Variants in CRB2 observed in about 807,000 individuals in gnomAD.
CRB2 encodes protein crumbs homolog 2.
In CRB2, 85 loss-of-function variants were observed where a neutral mutation model predicts 110.9. The ratio of observed to expected loss-of-function variants is 0.77; its 90% CI spans 0.64 to 0.92. CRB2 has a LOEUF of 0.92. CRB2 is among the 40% of genes least tolerant of loss of function. The pLI, the probability that CRB2 is intolerant of heterozygous loss-of-function variation, is 0.00. For synonymous variants in CRB2, 907 were observed against 831.0 expected, an observed-to-expected ratio of 1.09 and a Z score of -1.57; for missense variants, 1,843 against 1,851.3, an observed-to-expected ratio of 1.00 and a Z score of 0.08.
Position 123,370,778 on chromosome 9 carries a change from C to G in CRB2, c.1725C>G (p.Thr575=), listed in dbSNP as rs1260908406. The part of the protein sequence containing the change: ...GISSAQLGDA[T]FAGCLQDVRV... ...CCTCTGCCCAGCTGGGGGACGCGAC[C>G]TTTGCAGGCTGCCTCCAGGACGTGC... Residue 575 remains threonine (T), a synonymous_variant, in exon 7 of 13, where the codon ACC becomes ACG. Coordinates refer to ENST00000373631, the MANE Select transcript of CRB2 (RefSeq NM_173689.7). 1 of 1,602,736 alleles carries G rather than the reference C, an allele frequency of 6.2e-7. No homozygotes were observed. Among genetic ancestry groups the G allele is most frequent in the Non-Finnish European group, 8.5e-7 (1 of 1,179,950 alleles).
At chr9:123,362,586 G>A (rs1169994028) in intron 1 of CRB2, among the ~76,000 whole-genome samples, 1 of 152,228 alleles carries the variant, frequency 6.6e-6, no homozygotes, top group Admixed American at 6.5e-5. Context: ...GGAAGCTCAC[G>A]GGGCTCAGGG....
chr9:123,373,194 C>T lies in CRB2; in HGVS notation c.2663C>T (p.Ser888Leu), dbSNP rs892905885. The change falls in exon 10 of 13, where the codon TCG becomes TTG. Residue 888 changes from serine to leucine, a missense_variant. Physicochemically the swap from Ser to Leu is moderately radical, Grantham distance 145. Coordinates refer to ENST00000373631, the MANE Select transcript of CRB2 (RefSeq NM_173689.7). Reference protein sequence around the residue: ...PPAAFSGHNASSGRLLGGLSL... With the variant: ...PPAAFSGHNALSGRLLGGLSL... Reference sequence around the variant, plus strand: ...GCCGCGTTCAGCGGGCACAACGCGTCGTCAGGGCGCTTGCTCGGCGGCCTG... The same window carrying T: ...GCCGCGTTCAGCGGGCACAACGCGTTGTCAGGGCGCTTGCTCGGCGGCCTG... 1.3e-6 allele frequency: 2 copies of T among 1,513,344 alleles called. No individual in the cohort carries two copies. Among genetic ancestry groups the T allele is most frequent in the Non-Finnish European group, 8.8e-7 (1 of 1,137,216 alleles). 93.7% of individuals were successfully genotyped at this position (1,513,344 alleles called of 1,614,324 possible).
In CRB2 at chr9:123,373,905, G is replaced by T; in HGVS notation, c.3374G>T (p.Gly1125Val). The T allele has an allele frequency of 6.5e-7, 1 of 1,549,052 alleles. No homozygotes were observed. Among genetic ancestry groups the T allele is most frequent in the East Asian group, 2.4e-5 (1 of 41,014 alleles). Reference protein sequence around the residue: ...RFECRCPPGFGGPRCRLPVPS... With the variant: ...RFECRCPPGFVGPRCRLPVPS... Reference sequence around the variant, plus strand: ...GAGTGCCGCTGCCCGCCTGGCTTCGGGGGCCCGCGCTGCAGGTGGGATGGC... The same window carrying T: ...GAGTGCCGCTGCCCGCCTGGCTTCGTGGGCCCGCGCTGCAGGTGGGATGGC... Residue 1125 changes from glycine (G) to valine (V), a missense_variant, in exon 10 of 13, where the codon GGG becomes GTG. Coordinates refer to ENST00000373631, the MANE Select transcript of CRB2 (RefSeq NM_173689.7).
rs557510132 is a variant in CRB2 at position 123,366,314 on chromosome 9, C to T, written c.702C>T (p.His234=). The T allele has an allele frequency of 2.6e-6, 4 of 1,537,712 alleles. No homozygotes were observed. The highest frequency in any genetic ancestry group is 1.4e-5 in the African/African-American group (1 of 70,178). ...AGTGCGCATCGGCGCCCTGCGAGCA[C>T]AACGCGTCCTGCCTCGAGGGCCTCG... ...VLECASAPCE[H]NASCLEGLGS... The change falls in exon 4 of 13, where the codon CAC becomes CAT. Residue 234 remains histidine, a synonymous_variant. Transcript: ENST00000373631.
chr9:123,371,563 C>A lies in CRB2; in HGVS notation c.2421C>A (p.Ser807=). Residue 807 remains serine, a synonymous_variant, in exon 8 of 13, where the codon TCC becomes TCA. Transcript: ENST00000373631. ...QSWNLTAGCV[S]EDMCSPDPCF... is the part of the protein sequence containing the mutation. ...GGAACCTCACTGCGGGCTGCGTCTC[C>A]GAGGACATGTGCAGTGTAAGTGTCT... 1 of 1,612,904 alleles carries A rather than the reference C, an allele frequency of 6.2e-7. No individual in the cohort carries two copies. Among genetic ancestry groups the A allele is most frequent in the South Asian group, 1.1e-5 (1 of 91,076 alleles).
Position 123,362,966 on chromosome 9 carries a change from A to G in CRB2, c.196A>G (p.Met66Val). Reference protein sequence around the residue: ...TESGGYTCGPMEPRGCATQPC... With the variant: ...TESGGYTCGPVEPRGCATQPC... The stretch of plus-strand genomic sequence containing the variant: ...GAGTGGTGGCTATACCTGTGGGCCC[A>G]TGGAGCCCCGGGGCTGTGCCACCCA... Residue 66 changes from methionine (M) to valine (V), a missense_variant, in exon 2 of 13, where the codon ATG becomes GTG. Met to Val is a conservative substitution (Grantham distance 21). Coordinates refer to ENST00000373631, the MANE Select transcript of CRB2 (RefSeq NM_173689.7). The G allele has an allele frequency of 2.5e-6, 4 of 1,611,330 alleles. No individual in the cohort carries two copies. Among genetic ancestry groups the G allele is most frequent in the Non-Finnish European group, 3.4e-6 (4 of 1,178,774 alleles).
chr9:123,374,112 T>C (rs1404459279), intron 10 of CRB2, 192 bp downstream of exon 10: 1 of 856,240 alleles, frequency 1.2e-6, no homozygotes, highest in Non-Finnish European at 1.9e-6. Flanking sequence ...CCAGTTAGCC[T>C]GGAATTTCAG....
intron 1 of CRB2, 98 bp from the exon 2 acceptor site, chr9:123,362,767 C>T (rs567012873): frequency 1.9e-5 from 22 of 1,186,186 alleles, no homozygotes; most frequent in African/African-American, 1.1e-4. Flanking sequence ...CAGAGACCCA[C>T]GTTGCTTTTG....
At chr9:123,365,730 T>A (rs2041921184) in intron 2 of CRB2, among the ~76,000 whole-genome samples, 187 bp from the exon 3 acceptor site, 1 of 152,134 alleles carries the variant, frequency 6.6e-6, no homozygotes, top group African/African-American at 2.4e-5. Context: ...GGCAGGGCTG[T>A]CTGTCTCGTT....
intron 8 of CRB2, 21 bp from the exon 9 acceptor site, chr9:123,372,156 C>G (rs1336521533): frequency 1.2e-6 from 2 of 1,613,544 alleles, no homozygotes; most frequent in Non-Finnish European, 1.7e-6. Context: ...TGAGCCAACC[C>G]CTGCCCTGCC....
chr9:123,372,009 C>G (rs1252466289), intron 8 of CRB2, among the ~76,000 whole-genome samples, 168 bp from the exon 9 acceptor site: 1 of 152,208 alleles, frequency 6.6e-6, no homozygotes, highest in Non-Finnish European at 1.5e-5. Context: ...CACTGAGCCT[C>G]AGTTTTCTCA....
At chr9:123,356,397 G>A in intron 1 of CRB2, 43 bp downstream of exon 1, 1 of 1,454,516 alleles carries the variant, frequency 6.9e-7, no homozygotes. Flanking sequence ...GAGAGGGTCT[G>A]TCCCCCAAGA....
intron 1 of CRB2, among the ~76,000 whole-genome samples, chr9:123,357,516 G>A (rs1441551171): frequency 1.3e-5 from 2 of 152,084 alleles, no homozygotes; most frequent in African/African-American, 4.8e-5. Context: ...TAGGGAGGAT[G>A]AGGACCCCAT....
At position 123,370,218 on chromosome 9, in the gene CRB2, G is replaced by A. The variant is rs1415103342; in HGVS notation, c.1165G>A (p.Gly389Ser). 2 of 1,613,038 alleles carry A rather than the reference G, an allele frequency of 1.2e-6. No individual in the cohort carries two copies. The highest frequency in any genetic ancestry group is 2.7e-5 in the African/African-American group (2 of 74,948). ...GYICRCPETW[G>S]GRDCSVQLTG... ...TATCTGCAGGTGCCCAGAGACCTGGGGTGGGCGCGACTGTTCTGTGCAGCT... is the reference window on the plus strand; with the variant it reads ...TATCTGCAGGTGCCCAGAGACCTGGAGTGGGCGCGACTGTTCTGTGCAGCT... Residue 389 changes from glycine (G) to serine (S), a missense_variant, in exon 7 of 13, where the codon GGT (glycine) becomes AGT (serine). Gly to Ser is a moderately conservative substitution (Grantham distance 56, BLOSUM62 0). Coordinates refer to ENST00000373631, the MANE Select transcript of CRB2 (RefSeq NM_173689.7).
rs1474265960 is a variant in CRB2, at chr9:123,371,199, T to C, written c.2057T>C (p.Leu686Pro). Residue 686 changes from leucine (L) to proline (P), a missense_variant, in exon 8 of 13, where the codon CTC becomes CCC. Leu to Pro is a moderately conservative substitution (Grantham distance 98). Coordinates refer to ENST00000373631, the MANE Select transcript of CRB2 (RefSeq NM_173689.7). ...ACTCGGGAGTCCGCTGGCCTGTTGC[T>C]CCAGTTTGCCAATGACTCCGCAGCT... is the stretch of plus-strand genomic sequence containing the variant. ...LRTRESAGLLLQFANDSAAGL... is the reference protein window; with the variant it reads ...LRTRESAGLLPQFANDSAAGL... 3 of 1,613,784 alleles carry C rather than the reference T, an allele frequency of 1.9e-6. No homozygotes were observed. In the African/African-American group the frequency reaches 4.0e-5, roughly 22 times the overall value.
intron 12 of CRB2, among the ~76,000 whole-genome samples, chr9:123,376,246 T>C: frequency 6.6e-6 from 1 of 151,996 alleles, no homozygotes; most frequent in Non-Finnish European, 1.5e-5. Context: ...GGCTGGTGAG[T>C]CCCAGAGCCC....
chr9:123,374,258 C>T lies in CRB2; in HGVS notation c.3390-321C>T, dbSNP rs554995032. Among the ~76,000 whole-genome samples the T allele has an allele frequency of 1.2e-4, 18 of 152,210 alleles. No homozygotes were observed. In the East Asian group the frequency reaches 1.4e-3, roughly 11 times the overall value. ...CTTATTCATCTGGCAGTGGCTCTCC[C>T]GGGAGCCCAGCGTGTGGAAGGGGAT... On this transcript the variant is annotated intron_variant, in intron 10 of 12. Transcript: ENST00000373631.
chr9:123,371,205 T>A lies in CRB2; in HGVS notation c.2063T>A (p.Phe688Tyr). 6.2e-7 allele frequency: 1 copy of A among 1,613,926 alleles called. No homozygotes were observed. The change falls in exon 8 of 13, where the codon TTT (phenylalanine) becomes TAT (tyrosine). Residue 688 changes from phenylalanine to tyrosine, a missense_variant. Phe to Tyr is a conservative substitution (Grantham distance 22). Coordinates refer to ENST00000373631, the MANE Select transcript of CRB2 (RefSeq NM_173689.7). ...GAGTCCGCTGGCCTGTTGCTCCAGT[T>A]TGCCAATGACTCCGCAGCTGGCCTA... ...TRESAGLLLQ[F>Y]ANDSAAGLTV...
rs1215337355 is a variant in CRB2 at position 123,365,907 on chromosome 9, C to T, written c.419-10C>T. Reference sequence around the variant, plus strand: ...CATCCTGCACCCTGTGTGTCCCCTGCCCTGTCCAGGCGTGACCTGCGAGAT... The same window carrying T: ...CATCCTGCACCCTGTGTGTCCCCTGTCCTGTCCAGGCGTGACCTGCGAGAT... On this transcript the variant is annotated splice_polypyrimidine_tract_variant and intron_variant, in intron 2 of 12. Transcript: ENST00000373631. 2 of 1,587,352 alleles carry T rather than the reference C, an allele frequency of 1.3e-6. No individual in the cohort carries two copies. The highest frequency in any genetic ancestry group is 1.7e-6 in the Non-Finnish European group (2 of 1,174,324).
Sources: allele counts gnomAD v4.1 joint callset (sites outside exome capture counted in the v4.1 genomes callset), GRCh38; gene constraint gnomAD v4.1.1; transcripts MANE v1.5; gene names NCBI Gene and HGNC (gene_info 2026-07-23, HGNC 2026-07-21).